YIPF6: variants seen among roughly 807,000 people sequenced by gnomAD.
YIPF6 encodes protein YIPF6.
A neutral mutation model predicts 16.8 loss-of-function variants in YIPF6; 3 were observed. The observed-to-expected ratio is 0.18, with a 90% CI of 0.08 to 0.46. YIPF6 has a LOEUF of 0.46. Among genes scored for constraint, YIPF6 ranks in the 20% least tolerant of loss-of-function variants. YIPF6 has a pLI of 0.98. For synonymous variants in YIPF6, 67 were observed against 61.9 expected (o/e 1.08, Z -0.38); for missense variants, 145 against 184.9 (o/e 0.78, Z 1.25).
chrX:68,517,490 G>A (rs2079107892), intron 3 of YIPF6, among the ~76,000 whole-genome samples: 1 of 112,210 alleles, frequency 8.9e-6, no homozygotes, highest in Non-Finnish European at 1.9e-5. Context: ...CCTGATGTTG[G>A]CAGAGCCTGC....
intron 6 of YIPF6, among the ~76,000 whole-genome samples, chrX:68,525,183 ACTGGCGTGAGATGGTAT>A (rs760438488): frequency 8.9e-6 from 1 of 112,202 alleles, no homozygotes; most frequent in Non-Finnish European, 1.9e-5. Context: ...AGCCATTCTA[ACTGGCGTGAGATGGTAT>A]CTCATTGTGG....
chrX:68,505,436 A>G (rs1487887099), intron 1 of YIPF6, among the ~76,000 whole-genome samples: 1 of 111,861 alleles, frequency 8.9e-6, no homozygotes, highest in African/African-American at 3.2e-5. Context: ...TGGTTTACGC[A>G]TTACATGCTG....
At chrX:68,503,728 G>C in intron 1 of YIPF6, among the ~76,000 whole-genome samples, 1 of 112,140 alleles carries the variant, frequency 8.9e-6, no homozygotes, top group East Asian at 2.8e-4. Context: ...GGGGTTCCCA[G>C]GACCATCCTC....
chrX:68,521,289 A>G, intron 4 of YIPF6, 83 bp from the exon 5 acceptor site: 4 of 1,100,849 alleles, frequency 3.6e-6, no homozygotes, highest in Non-Finnish European at 4.9e-6. Context: ...CAGCAATCTG[A>G]TTCAAAGTTT....
At chrX:68,506,208 C>T (rs974912104) in intron 1 of YIPF6, among the ~76,000 whole-genome samples, 1 of 109,798 alleles carries the variant, frequency 9.1e-6, no homozygotes, top group Non-Finnish European at 1.9e-5. Context: ...AATAACTGCA[C>T]TCCAGCCTGG....
chrX:68,523,612 T>A (rs2079135782), intron 6 of YIPF6, among the ~76,000 whole-genome samples: 1 of 112,531 alleles, frequency 8.9e-6, no homozygotes, highest in Non-Finnish European at 1.9e-5. Flanking sequence ...TGCTATGTGC[T>A]CATTGTTTTT....
chrX:68,513,419 G>C lies in YIPF6; in HGVS notation c.265+14G>C, dbSNP rs373930323. On this transcript the variant is annotated intron_variant, in intron 3 of 6. Transcript: ENST00000462683. ...TTTTGAGAGATTGTAAGTATATGAG[G>C]TTTTTAAGGGTTTGCTTAATCTATC... The C allele has an allele frequency of 4.4e-6, 5 of 1,132,975 alleles. No homozygotes were observed. In the African/African-American group the frequency reaches 9.5e-5, roughly 21 times the overall value. The allele number at this position is 1,132,975 out of a possible 1,213,427, so 93.4% of individuals were successfully genotyped here. A position where few individuals can be genotyped will look rare whatever the true frequency, so the allele number is the denominator to read the frequency against.
intron 1 of YIPF6, among the ~76,000 whole-genome samples, chrX:68,504,189 T>G (rs774570903): frequency 8.9e-6 from 1 of 112,301 alleles, no homozygotes; most frequent in South Asian, 3.7e-4. Flanking sequence ...CCTTGTCTTG[T>G]CCCTGTGGAT....
rs1173986019 is a variant in YIPF6 at position 68,532,679 on chromosome X, G to A, written c.*680G>A. 1 of 108,876 alleles carries A rather than the reference G, an allele frequency of 9.2e-6. No homozygotes were observed. Among genetic ancestry groups the A allele is most frequent in the East Asian group, 2.9e-4 (1 of 3,489 alleles). 9.0% of individuals were successfully genotyped at this position (108,876 alleles called of 1,213,427 possible). ...CTTTGTGCTGTCACCTTTTTGCCAT[G>A]TTTAACAGCATCTTGGTTGGCACTC... On this transcript the variant is annotated 3_prime_UTR_variant, in exon 7 of 7. Transcript: ENST00000462683.
rs1328341065 is a variant in YIPF6 at position 68,530,290 on chromosome X, CTCAAT to C, written c.593-1590_593-1586del. ...TGAGGGGAAAACTGCCTACTCAAGC[CTCAAT>C]AATGGTGGTTGCCCTTCCCTCCACC... On this transcript the variant is annotated intron_variant, in intron 6 of 6. Transcript: ENST00000462683. Among the ~76,000 whole-genome samples, 3 of 111,067 alleles carry C rather than the reference CTCAAT, an allele frequency of 2.7e-5. No homozygotes were observed. The East Asian group carries it at 8.6e-4, about 32-fold the overall frequency.
intron 4 of YIPF6, among the ~76,000 whole-genome samples, chrX:68,519,405 T>C (rs895351908): frequency 1.8e-5 from 2 of 112,156 alleles, no homozygotes; most frequent in Admixed American, 1.9e-4. Flanking sequence ...GGGCTACTAA[T>C]AACCAATGTT....
intron 1 of YIPF6, among the ~76,000 whole-genome samples, chrX:68,502,608 T>C (rs1356156069): frequency 1.8e-5 from 2 of 110,914 alleles, no homozygotes; most frequent in African/African-American, 6.6e-5. Flanking sequence ...ACTAATTCAG[T>C]TTGGGACATG....
rs1299723697 is a variant in YIPF6, at chrX:68,534,728, A to C, written c.*2729A>C. On this transcript the variant is annotated 3_prime_UTR_variant, in exon 7 of 7. Coordinates refer to ENST00000462683, the MANE Select transcript of YIPF6 (RefSeq NM_173834.4). ...GGAAGTTAAGACCTAAATGTCTGGAAGTTGTAACCCTCAACACAGCTTTTC... is the reference window on the plus strand; with the variant it reads ...GGAAGTTAAGACCTAAATGTCTGGACGTTGTAACCCTCAACACAGCTTTTC... The C allele has an allele frequency of 1.8e-5, 2 of 112,309 alleles. No individual in the cohort carries two copies. Among genetic ancestry groups the C allele is most frequent in the Non-Finnish European group, 3.8e-5 (2 of 53,321 alleles). 9.3% of individuals were successfully genotyped at this position (112,309 alleles called of 1,213,427 possible). A position where few individuals can be genotyped will look rare whatever the true frequency, so the allele number is the denominator to read the frequency against.
chrX:68,508,947 C>T (rs778132522), intron 1 of YIPF6, among the ~76,000 whole-genome samples: 4 of 110,959 alleles, frequency 3.6e-5, no homozygotes, highest in Non-Finnish European at 5.7e-5. Flanking sequence ...AGTTGTCAGT[C>T]AGTAGGGGTT....
Position 68,499,087 on chromosome X carries a change from T to C in YIPF6, c.21T>C (p.Ser7=), listed in dbSNP as rs760825152. 6 of 1,188,161 alleles carry C rather than the reference T, an allele frequency of 5.0e-6. No individual in the cohort carries two copies. Among genetic ancestry groups the C allele is most frequent in the African/African-American group, 1.8e-5 (1 of 56,902 alleles). Reference sequence around the variant, plus strand: ...CCAAGATGGCGGAAGCGGAGGAGTCTCCAGGAGACCCGGGGACAGCATCGC... The same window carrying C: ...CCAAGATGGCGGAAGCGGAGGAGTCCCCAGGAGACCCGGGGACAGCATCGC... MAEAEE[S]PGDPGTASPR... The change falls in exon 1 of 7, where the codon TCT becomes TCC. Residue 7 remains serine, a synonymous_variant. Coordinates refer to ENST00000462683, the MANE Select transcript of YIPF6 (RefSeq NM_173834.4).
intron 1 of YIPF6, among the ~76,000 whole-genome samples, chrX:68,504,763 A>G (rs914865312): frequency 3.6e-5 from 4 of 111,816 alleles, no homozygotes; most frequent in African/African-American, 1.3e-4. Context: ...TCTCAATTTT[A>G]CAGAGGAGGA....
chrX:68,499,310 C>T (rs1002292052), intron 1 of YIPF6, among the ~76,000 whole-genome samples, 187 bp downstream of exon 1: 2 of 112,685 alleles, frequency 1.8e-5, no homozygotes, highest in East Asian at 5.7e-4. Flanking sequence ...GCCCCCTGCC[C>T]TCGTGGTTCC....
intron 4 of YIPF6, among the ~76,000 whole-genome samples, chrX:68,520,164 C>G (rs1466851882): frequency 8.9e-6 from 1 of 112,362 alleles, no homozygotes; most frequent in Non-Finnish European, 1.9e-5. Context: ...ATATGCATAT[C>G]ATAGAATACA....
chrX:68,505,596 A>G (rs773876482), intron 1 of YIPF6, among the ~76,000 whole-genome samples: 1 of 112,300 alleles, frequency 8.9e-6, no homozygotes, highest in South Asian at 3.7e-4. Flanking sequence ...AGTTTGATCA[A>G]GCAAGAGAAG....
Sources: allele counts gnomAD v4.1 joint callset (sites outside exome capture counted in the v4.1 genomes callset), GRCh38; gene constraint gnomAD v4.1.1; transcripts MANE v1.5; gene names NCBI Gene and HGNC (gene_info 2026-07-23, HGNC 2026-07-21).